GRAMD1B: variants seen among roughly 807,000 people sequenced by gnomAD.
The protein encoded by GRAMD1B is protein Aster-B.
GRAMD1B carries 37 observed loss-of-function variants against 99.7 expected under a neutral mutation model. The ratio of observed to expected loss-of-function variants is 0.37; its 90% CI spans 0.29 to 0.49. The LOEUF (loss-of-function observed/expected upper bound fraction) is 0.49. Ranked by LOEUF, GRAMD1B falls within the 20% of genes least tolerant of loss-of-function variation. The pLI is 0.98. For missense variants in GRAMD1B, 888 were observed against 1,009.2 expected, an observed-to-expected ratio of 0.88 and a Z score of 1.63; for synonymous variants, 427 against 387.6, an observed-to-expected ratio of 1.10 and a Z score of -1.19.
intron 2 of GRAMD1B, among the ~76,000 whole-genome samples, chr11:123,491,204 C>T (rs116059959): frequency 0.015 from 2,238 of 152,124 alleles, 65 homozygotes; most frequent in African/African-American, 0.05. Flanking sequence ...TGGTGGTGCA[C>T]GTCATGCTAG....
chr11:123,583,074 C>A (rs1047630490), intron 3 of GRAMD1B, among the ~76,000 whole-genome samples: 1 of 150,104 alleles, frequency 6.7e-6, no homozygotes, highest in Non-Finnish European at 1.5e-5. Flanking sequence ...ATGTGTGTGT[C>A]TCTGTGTGTA....
chr11:123,434,230 C>CAA (rs33942028), intron 1 of GRAMD1B, among the ~76,000 whole-genome samples: 243 of 72,950 alleles, frequency 3.3e-3, no homozygotes, highest in Non-Finnish European at 3.7e-3. Flanking sequence ...ACTCCGTTTC[C>CAA]AAAAAAAAAA....
At chr11:123,387,030 T>A (rs1947088357) in intron 1 of GRAMD1B, among the ~76,000 whole-genome samples, 1 of 152,184 alleles carries the variant, frequency 6.6e-6, no homozygotes, top group Admixed American at 6.5e-5. Context: ...GGGTGCCTGT[T>A]AGACCATGAC....
chr11:123,580,976 A>G (rs1370519130), intron 3 of GRAMD1B, among the ~76,000 whole-genome samples: 1 of 151,394 alleles, frequency 6.6e-6, no homozygotes, highest in African/African-American at 2.4e-5. Context: ...CAAAGTAAGA[A>G]TTGTTTTTTA....
chr11:123,620,124 CG>C, intron 19 of GRAMD1B, among the ~76,000 whole-genome samples: 1 of 152,212 alleles, frequency 6.6e-6, no homozygotes, highest in Non-Finnish European at 1.5e-5. Context: ...GCCATGTGGG[CG>C]GTGCTCATTA....
chr11:123,363,580 G>GGTTTTTTTTT (rs1946218766), intron 1 of GRAMD1B, among the ~76,000 whole-genome samples: 68 of 148,530 alleles, frequency 4.6e-4, no homozygotes, highest in African/African-American at 1.8e-3. Context: ...CTTTTTTTTT[G>GGTTTTTTTTT]TTTGTTTTTT....
chr11:123,598,622 G>T, intron 7 of GRAMD1B: 1 of 1,413,378 alleles, frequency 7.1e-7, no homozygotes, highest in Non-Finnish European at 1.0e-6. Context: ...GCTCTTCTGG[G>T]ATCCTGCCAC....
chr11:123,462,908 A>AAAAG (rs1950505670), intron 1 of GRAMD1B, among the ~76,000 whole-genome samples: 1 of 150,370 alleles, frequency 6.7e-6, no homozygotes, highest in African/African-American at 2.4e-5. Context: ...AAAAAAAAAA[A>AAAAG]AAAAGAAATC....
chr11:123,397,540 CT>C (rs1947509655), intron 1 of GRAMD1B, among the ~76,000 whole-genome samples: 1 of 152,160 alleles, frequency 6.6e-6, no homozygotes, highest in Non-Finnish European at 1.5e-5. Flanking sequence ...GAGACAGGCT[CT>C]CACTCAGGCT....
intron 1 of GRAMD1B, among the ~76,000 whole-genome samples, chr11:123,440,546 A>G (rs1290683582): frequency 6.6e-6 from 1 of 152,208 alleles, no homozygotes; most frequent in African/African-American, 2.4e-5. Flanking sequence ...ATCTAATAAA[A>G]TAGCTAGTTA....
At chr11:123,608,823 A>C in intron 12 of GRAMD1B, 21 bp downstream of exon 12, 2 of 1,428,598 alleles carry the variant, frequency 1.4e-6, no homozygotes, top group Non-Finnish European at 1.9e-6. Context: ...CTGGGACTGT[A>C]CCCCCCATTC....
Position 123,627,531 on chromosome 11 carries a change from C to A in GRAMD1B, c.*4936C>A, listed in dbSNP as rs1440000527. 6 of 152,504 alleles carry A rather than the reference C, an allele frequency of 3.9e-5. No individual in the cohort carries two copies. The East Asian group carries it at 1.2e-3, about 29-fold the overall frequency. The allele number at this position is 152,504 out of a possible 1,614,324, so 9.4% of individuals were successfully genotyped here. A position where few individuals can be genotyped will look rare whatever the true frequency, so the allele number is the denominator to read the frequency against. On this transcript the variant is annotated 3_prime_UTR_variant, in exon 20 of 20. Transcript: ENST00000635736. Reference sequence around the variant, plus strand: ...GAGTGGGGTGAGGCAGAGGGAGCAGCCCCAACACCTGCACTGGGCCATCTA... The same window carrying A: ...GAGTGGGGTGAGGCAGAGGGAGCAGACCCAACACCTGCACTGGGCCATCTA...
intron 9 of GRAMD1B, among the ~76,000 whole-genome samples, chr11:123,604,131 G>A (rs1952380999): frequency 6.6e-6 from 1 of 152,210 alleles, no homozygotes; most frequent in Non-Finnish European, 1.5e-5. Flanking sequence ...AGTTGAAATT[G>A]AGATGCCTGT....
intron 2 of GRAMD1B, chr11:123,525,975 A>C: frequency 1.6e-6 from 1 of 611,304 alleles, no homozygotes; most frequent in Non-Finnish European, 3.0e-6. Context: ...GGGCAGTGGC[A>C]GCAGTTCTTC....
At chr11:123,462,890 T>TAAATAAA (rs55643501) in intron 1 of GRAMD1B, among the ~76,000 whole-genome samples, 4,843 of 122,612 alleles carry the variant, frequency 0.039, 122 homozygotes, top group African/African-American at 0.046. Context: ...AAAAAATAAA[T>TAAATAAA]TAAAAAAAAA....
At chr11:123,541,885 A>G (rs754963903) in intron 2 of GRAMD1B, among the ~76,000 whole-genome samples, 1 of 152,132 alleles carries the variant, frequency 6.6e-6, no homozygotes, top group Non-Finnish European at 1.5e-5. Flanking sequence ...CCTTGATATA[A>G]TATTATATCT....
intron 1 of GRAMD1B, among the ~76,000 whole-genome samples, chr11:123,467,688 T>C (rs1433017510): frequency 6.6e-6 from 1 of 152,088 alleles, no homozygotes; most frequent in African/African-American, 2.4e-5. Context: ...TAAAACATAG[T>C]TGGTGGAAAC....
At chr11:123,616,652 G>A (rs1954430840) in intron 17 of GRAMD1B, among the ~76,000 whole-genome samples, 1 of 152,238 alleles carries the variant, frequency 6.6e-6, no homozygotes, top group African/African-American at 2.4e-5. Flanking sequence ...ACGTGGGACG[G>A]GCTGACACAG....
intron 2 of GRAMD1B, among the ~76,000 whole-genome samples, chr11:123,573,621 C>A (rs763936031): frequency 6.6e-6 from 1 of 152,192 alleles, no homozygotes. Flanking sequence ...ATTATTTAAT[C>A]TGTCAAGAAT....
Sources: gnomAD v4.1 joint callset for allele counts (sites outside exome capture counted in the v4.1 genomes callset) on GRCh38, gnomAD v4.1.1 for gene constraint, MANE v1.5 for transcripts, NCBI Gene and HGNC (gene_info 2026-07-23, HGNC 2026-07-21) for gene names.